The following FSTL5 variants were observed in gnomAD, a reference collection of about 807,000 sequenced individuals.
The protein encoded by FSTL5 is follistatin-related protein 5.
A neutral mutation model predicts 89.1 loss-of-function variants in FSTL5; 62 were observed. That is an observed-to-expected ratio of 0.70 (90% CI 0.57 to 0.86). The LOEUF (loss-of-function observed/expected upper bound fraction) is 0.86. Among genes scored for constraint, FSTL5 ranks in the 40% least tolerant of loss-of-function variants. FSTL5 has a pLI of 0.00. For synonymous variants in FSTL5, 383 were observed against 346.2 expected (o/e 1.11, Z -1.18); for missense variants, 1,057 against 1,001.6 (o/e 1.06, Z -0.75).
At chr4:161,961,234 A>T (rs1735166691) in intron 3 of FSTL5, among the ~76,000 whole-genome samples, 1 of 151,852 alleles carries the variant, frequency 6.6e-6, no homozygotes, top group Non-Finnish European at 1.5e-5. Context: ...CAGTCTCCCT[A>T]GTAGCTGGGA....
chr4:161,792,954 A>G (rs1579096914), intron 4 of FSTL5, among the ~76,000 whole-genome samples: 2 of 152,340 alleles, frequency 1.3e-5, no homozygotes, highest in East Asian at 1.9e-4. Context: ...GTGGCCCTTC[A>G]TGGAGCCCAG....
intron 2 of FSTL5, among the ~76,000 whole-genome samples, chr4:162,056,705 T>C (rs1215426569): frequency 6.6e-6 from 1 of 152,172 alleles, no homozygotes; most frequent in East Asian, 1.9e-4. Flanking sequence ...ATAAAACATT[T>C]TTTTAAAGTT....
intron 7 of FSTL5, among the ~76,000 whole-genome samples, chr4:161,625,676 A>C (rs139505428): frequency 2.6e-5 from 4 of 152,218 alleles, no homozygotes; most frequent in Non-Finnish European, 5.9e-5. Flanking sequence ...TTAAATCAAA[A>C]ACTAGAAATG....
At chr4:161,836,629 A>C (rs1194453499) in intron 4 of FSTL5, among the ~76,000 whole-genome samples, 1 of 152,006 alleles carries the variant, frequency 6.6e-6, no homozygotes, top group Admixed American at 6.6e-5. Context: ...TAGGGAAGCT[A>C]TTTTAAGGAA....
intron 4 of FSTL5, among the ~76,000 whole-genome samples, chr4:161,897,026 G>A (rs1055467744): frequency 6.6e-6 from 1 of 151,872 alleles, no homozygotes; most frequent in African/African-American, 2.4e-5. Context: ...TCCGCCTCCT[G>A]GGCGGAGAAT....
chr4:162,030,039 C>T (rs568295577), intron 3 of FSTL5, among the ~76,000 whole-genome samples: 39 of 151,958 alleles, frequency 2.6e-4, no homozygotes, highest in African/African-American at 9.4e-4. Context: ...CTCCTGATTA[C>T]AGGCATGCGC....
chr4:161,582,910 G>T (rs1474920485), intron 8 of FSTL5, among the ~76,000 whole-genome samples: 1 of 152,114 alleles, frequency 6.6e-6, no homozygotes, highest in African/African-American at 2.4e-5. Context: ...TGTCTCAGCC[G>T]GGTGTGGTGG....
rs11356806 is a variant in FSTL5 at position 161,491,839 on chromosome 4, C to CAA, written c.1458+8175_1458+8176dup. Among the ~76,000 whole-genome samples, 554 of 122,734 alleles carry CAA rather than the reference C, an allele frequency of 4.5e-3. 6 individuals carry two copies. The highest frequency in any genetic ancestry group is 0.016 in the African/African-American group (442 of 28,398). 80.5% of individuals were successfully genotyped at this position (122,734 alleles called of 152,430 possible). A position where few individuals can be genotyped will look rare whatever the true frequency, so the allele number is the denominator to read the frequency against. ...TGGGCAACAGAAGGAGACTCTGTCT[C>CAA]AAAAAAAAAAAAAAAAGAGAGAGAG... On this transcript the variant is annotated intron_variant, in intron 12 of 15. Transcript: ENST00000306100.
intron 15 of FSTL5, among the ~76,000 whole-genome samples, chr4:161,434,208 A>C (rs1238999805): frequency 6.6e-6 from 1 of 152,146 alleles, no homozygotes; most frequent in African/African-American, 2.4e-5. Flanking sequence ...ACAGACACAT[A>C]GACCAATGGA....
intron 8 of FSTL5, among the ~76,000 whole-genome samples, chr4:161,557,323 T>G (rs1405477632): frequency 6.6e-6 from 1 of 151,540 alleles, no homozygotes; most frequent in Non-Finnish European, 1.5e-5. Context: ...TTTTTATTAT[T>G]AAGTATGCTA....
intron 5 of FSTL5, among the ~76,000 whole-genome samples, chr4:161,767,529 A>C (rs113485913): frequency 2.0e-5 from 3 of 152,324 alleles, no homozygotes; most frequent in African/African-American, 7.2e-5. Context: ...ATTTTACAAC[A>C]GCCCCAAAGA....
rs944948189 is a variant in FSTL5, at chr4:161,835,267, T to A, written c.410-59193A>T. On this transcript the variant is annotated intron_variant, in intron 4 of 15. Transcript: ENST00000306100. ...CTAGCCATAAGTAGAAAGCTGAAACTGGATCCCTTCCTTACACCTTATACA... is the reference window on the plus strand; with the variant it reads ...CTAGCCATAAGTAGAAAGCTGAAACAGGATCCCTTCCTTACACCTTATACA... Among the ~76,000 whole-genome samples the A allele has an allele frequency of 2.5e-4, 38 of 152,220 alleles. No individual in the cohort carries two copies. In the East Asian group the frequency reaches 5.6e-3, roughly 22 times the overall value.
At chr4:161,672,779 G>C (rs1737165059) in intron 6 of FSTL5, among the ~76,000 whole-genome samples, 1 of 141,046 alleles carries the variant, frequency 7.1e-6, no homozygotes, top group African/African-American at 2.7e-5. Flanking sequence ...TTTTAAATTA[G>C]AAACTGAACA....
At chr4:162,026,961 A>G (rs1243844826) in intron 3 of FSTL5, among the ~76,000 whole-genome samples, 1 of 152,180 alleles carries the variant, frequency 6.6e-6, no homozygotes, top group Non-Finnish European at 1.5e-5. Context: ...GATCCATTGG[A>G]TAAGAAAATT....
At chr4:161,997,295 A>G (rs1736323380) in intron 3 of FSTL5, among the ~76,000 whole-genome samples, 1 of 152,218 alleles carries the variant, frequency 6.6e-6, no homozygotes, top group African/African-American at 2.4e-5. Context: ...TTTTTCCAAT[A>G]TATCTTAAGA....
chr4:161,879,509 C>A (rs572209536), intron 4 of FSTL5, among the ~76,000 whole-genome samples: 3 of 152,114 alleles, frequency 2.0e-5, no homozygotes, highest in Non-Finnish European at 4.4e-5. Context: ...GACTTCATAC[C>A]AAAGTATGCA....
intron 4 of FSTL5, among the ~76,000 whole-genome samples, chr4:161,817,512 G>T (rs1452737569): frequency 6.6e-6 from 1 of 152,166 alleles, no homozygotes; most frequent in Non-Finnish European, 1.5e-5. Context: ...TGGCTCCTCA[G>T]GGTAAATAAA....
At position 161,827,199 on chromosome 4, in the gene FSTL5, C is replaced by T. The variant is rs1041652956; in HGVS notation, c.410-51125G>A. On this transcript the variant is annotated intron_variant, in intron 4 of 15. Transcript: ENST00000306100. Reference sequence around the variant, plus strand: ...CCCTAGGAATGCGGCTTCCTGAGAGCGGAACTGTAGTGATTATTTCTCTTC... The same window carrying T: ...CCCTAGGAATGCGGCTTCCTGAGAGTGGAACTGTAGTGATTATTTCTCTTC... 2.6e-5 allele frequency among the ~76,000 whole-genome samples: 4 copies of T among 152,246 alleles called. No individual in the cohort carries two copies. The South Asian group carries it at 6.2e-4, about 24-fold the overall frequency.
At chr4:162,158,834 C>G (rs1392658155) in intron 1 of FSTL5, among the ~76,000 whole-genome samples, 3 of 152,048 alleles carry the variant, frequency 2.0e-5, no homozygotes, top group Non-Finnish European at 4.4e-5. Flanking sequence ...CTATGTCTAT[C>G]TTATTCCTTT....
Sources: gnomAD v4.1 joint callset for allele counts (sites outside exome capture counted in the v4.1 genomes callset) on GRCh38, gnomAD v4.1.1 for gene constraint, MANE v1.5 for transcripts, NCBI Gene and HGNC (gene_info 2026-07-23, HGNC 2026-07-21) for gene names.